Variants in COMMD3 observed in about 807,000 individuals in gnomAD.
COMMD3 encodes COMM domain containing 3.
COMMD3 carries 31 observed loss-of-function variants against 31.2 expected under a neutral mutation model. The ratio of observed to expected loss-of-function variants is 0.99; its 90% CI spans 0.75 to 1.34. The LOEUF (loss-of-function observed/expected upper bound fraction) is 1.34, where lower values mean the gene tolerates loss of function less well. Ranked by LOEUF, COMMD3 falls within the 40% of genes most tolerant of loss-of-function variation. The pLI, the probability that COMMD3 is intolerant of heterozygous loss-of-function variation, is 0.00. For missense variants in COMMD3, 274 were observed against 236.9 expected, an observed-to-expected ratio of 1.16 and a Z score of -1.03; for synonymous variants, 108 against 87.3, an observed-to-expected ratio of 1.24 and a Z score of -1.32.
rs766172701 is a variant in COMMD3 at position 22,316,552 on chromosome 10, G to T, written c.135G>T (p.Val45=). Reference sequence around the variant, plus strand: ...TGGACGCCCAGGCGGACGAGGCCGTGTTAGGTAAGCCGCTCGGCTCGGCTC... The same window carrying T: ...TGGACGCCCAGGCGGACGAGGCCGTTTTAGGTAAGCCGCTCGGCTCGGCTC... The part of the protein sequence containing the change: ...SLLDAQADEA[V]LDHPDLKHID... The change falls in exon 1 of 8, where the codon GTG becomes GTT. Residue 45 remains valine, a synonymous_variant. Transcript: ENST00000376836. 1.3e-6 allele frequency: 2 copies of T among 1,548,128 alleles called. No homozygotes were observed. Among genetic ancestry groups the T allele is most frequent in the Non-Finnish European group, 1.7e-6 (2 of 1,145,334 alleles).
At chr10:22,319,692 T>C (rs930884738) in intron 7 of COMMD3, 3 of 448,008 alleles carry the variant, frequency 6.7e-6, no homozygotes, top group African/African-American at 2.0e-5. Flanking sequence ...CAGATGTATC[T>C]GGGCGGTTAA....
chr10:22,319,863 T>G (rs561203548), intron 7 of COMMD3, 76 bp from the exon 8 acceptor site: 28 of 1,566,824 alleles, frequency 1.8e-5, no homozygotes, highest in Non-Finnish European at 2.4e-5. Context: ...ATTTTTTTTC[T>G]TGCATCTTTC....
Position 22,318,169 on chromosome 10 carries a change from GTTAC to G in COMMD3, c.315+8_315+11del, listed in dbSNP as rs529136003. 2.9e-4 allele frequency: 468 copies of G among 1,609,478 alleles called. 2 individuals are homozygous for G. The African/African-American group carries it at 5.6e-3, about 19-fold the overall frequency. On this transcript the variant is annotated splice_donor_variant and splice_donor_5th_base_variant and intron_variant, in intron 3 of 7. Coordinates refer to ENST00000376836, the MANE Select transcript of COMMD3 (RefSeq NM_012071.4). LOFTEE classifies it high-confidence loss of function. ...AGAACTGTTTTGCACGGAATATCAG[GTTAC>G]TTACTTTAAAATTTTTAATTAACAG...
At chr10:22,317,861 C>T in intron 1 of COMMD3, 23 bp from the exon 2 acceptor site, 1 of 1,608,732 alleles carries the variant, frequency 6.2e-7, no homozygotes, top group Non-Finnish European at 8.5e-7. Context: ...TCATAGGCAT[C>T]ACTGGAAGTT....
rs992434160 is a variant in COMMD3, at chr10:22,316,440, A to T, written c.23A>T (p.Gln8Leu). The change falls in exon 1 of 8, where the codon CAG (glutamine) becomes CTG (leucine). Residue 8 changes from glutamine to leucine, a missense_variant. Physicochemically the swap from Gln to Leu is moderately radical, Grantham distance 113. Transcript: ENST00000376836. ...ACAATGGAGCTCTCGGAGTCTGTGC[A>T]GAAAGGCTTCCAGATGCTGGCGGAT... MELSESV[Q>L]KGFQMLADPR... is the part of the protein sequence containing the mutation. The T allele has an allele frequency of 6.4e-7, 1 of 1,551,182 alleles. No homozygotes were observed. The highest frequency in any genetic ancestry group is 8.7e-7 in the Non-Finnish European group (1 of 1,146,946).
In COMMD3 at chr10:22,319,082, C is replaced by T. The variant is rs780140754; in HGVS notation, c.528+64C>T. 171 of 1,492,552 alleles carry T rather than the reference C, an allele frequency of 1.1e-4. 1 individual carries two copies. The highest frequency in any genetic ancestry group is 1.4e-4 in the Admixed American group (6 of 43,448). 92.5% of individuals were successfully genotyped at this position (1,492,552 alleles called of 1,614,324 possible). On this transcript the variant is annotated intron_variant, in intron 7 of 7. Coordinates refer to ENST00000376836, the MANE Select transcript of COMMD3 (RefSeq NM_012071.4). ...TAAATGTTTACTTGAGAGTTATACT[C>T]TTGGGAAGTTCAAAAGAAAATTAAT...
Position 22,318,985 on chromosome 10 carries a change from G to A in COMMD3, c.495G>A (p.Glu165=). Residue 165 remains glutamate, a synonymous_variant, in exon 7 of 8, where the codon GAG becomes GAA. Coordinates refer to ENST00000376836, the MANE Select transcript of COMMD3 (RefSeq NM_012071.4). ...ACACTGATTCCCCATCCTATCCAGAGATTAGTTTTAGTTGCAGCATGGAAC... is the reference window on the plus strand; with the variant it reads ...ACACTGATTCCCCATCCTATCCAGAAATTAGTTTTAGTTGCAGCATGGAAC... ...VQNTDSPSYP[E]ISFSCSMEQL... The A allele has an allele frequency of 6.2e-7, 1 of 1,612,300 alleles. No homozygotes were observed. Among genetic ancestry groups the A allele is most frequent in the South Asian group, 1.1e-5 (1 of 90,870 alleles).
At chr10:22,317,838 A>G (rs1031826703) in intron 1 of COMMD3, 46 bp from the exon 2 acceptor site, 16 of 1,596,524 alleles carry the variant, frequency 1.0e-5, no homozygotes, top group Admixed American at 5.2e-5. Context: ...ACATGACTGT[A>G]AAGAATTTAT....
At chr10:22,316,705 G>C in intron 1 of COMMD3, 149 bp downstream of exon 1, 1 of 1,307,762 alleles carries the variant, frequency 7.6e-7, no homozygotes, top group Non-Finnish European at 9.9e-7. Context: ...TTGGGGACGT[G>C]GCTCTGCCAG....
chr10:22,319,113 C>T, intron 7 of COMMD3, 95 bp downstream of exon 7: 13 of 1,326,540 alleles, frequency 9.8e-6, no homozygotes, highest in South Asian at 1.6e-5. Flanking sequence ...TTAATCTAAC[C>T]ATTTGTCAGC....
At chr10:22,317,405 T>C (rs1048675236) in intron 1 of COMMD3, 5 of 152,428 alleles carry the variant, frequency 3.3e-5, no homozygotes, top group African/African-American at 1.2e-4. Flanking sequence ...CTGAAAGTAC[T>C]AATATAATTT....
intron 7 of COMMD3, 96 bp from the exon 8 acceptor site, chr10:22,319,843 G>C (rs1835927645): frequency 6.9e-7 from 1 of 1,453,618 alleles, no homozygotes; most frequent in Admixed American, 1.9e-5. Flanking sequence ...TGTTTGGAAG[G>C]TGTGTCCTGA....
In COMMD3 at chr10:22,319,034, C is replaced by A; in HGVS notation, c.528+16C>A. ...ACAATTACAGGTACAGTATTAGGAT[C>A]TATAAATATTCCTGTCTTTTTATAA... On this transcript the variant is annotated intron_variant, in intron 7 of 7. Coordinates refer to ENST00000376836, the MANE Select transcript of COMMD3 (RefSeq NM_012071.4). 6.3e-7 allele frequency: 1 copy of A among 1,576,256 alleles called. No homozygotes were observed. Among genetic ancestry groups the A allele is most frequent in the South Asian group, 1.2e-5 (1 of 84,718 alleles).
Position 22,318,118 on chromosome 10 carries a change from G to A in COMMD3, c.265G>A (p.Asp89Asn), listed in dbSNP as rs1054972885. The A allele has an allele frequency of 1.1e-5, 17 of 1,612,468 alleles. No homozygotes were observed. The highest frequency in any genetic ancestry group is 1.7e-5 in the Admixed American group (1 of 59,752). ...DKSTLSTYLE[D>N]CKFDRERIEL... is the part of the protein sequence containing the mutation. ...TCTTTCTTCTAGCACTTATCTAGAA[G>A]ACTGTAAATTTGACAGAGAGCGAAT... Residue 89 changes from aspartate to asparagine, a missense_variant, in exon 3 of 8, where the codon GAC becomes AAC. Physicochemically the swap from Asp to Asn is conservative, Grantham distance 23. Coordinates refer to ENST00000376836, the MANE Select transcript of COMMD3 (RefSeq NM_012071.4).
At position 22,320,173 on chromosome 10, in the gene COMMD3, G is replaced by A. The variant is rs1835940344; in HGVS notation, c.*175G>A. 5 of 1,489,754 alleles carry A rather than the reference G, an allele frequency of 3.4e-6. No homozygotes were observed. The highest frequency in any genetic ancestry group is 2.8e-5 in the African/African-American group (2 of 70,838). The allele number at this position is 1,489,754 out of a possible 1,614,324, so 92.3% of individuals were successfully genotyped here. A position where few individuals can be genotyped will look rare whatever the true frequency, so the allele number is the denominator to read the frequency against. ...TAAAAACGTGTGAAAGGGTTAAGAG[G>A]GAAAGATACTGCCCAAGTATTTGAA... is the stretch of plus-strand genomic sequence containing the variant. On this transcript the variant is annotated 3_prime_UTR_variant, in exon 8 of 8. Coordinates refer to ENST00000376836, the MANE Select transcript of COMMD3 (RefSeq NM_012071.4).
chr10:22,317,841 G>T (rs780323408), intron 1 of COMMD3, 43 bp from the exon 2 acceptor site: 1 of 1,599,846 alleles, frequency 6.3e-7, no homozygotes, highest in East Asian at 2.2e-5. Context: ...TGACTGTAAA[G>T]AATTTATTAT....
At chr10:22,319,656 C>A in intron 7 of COMMD3, 1 of 285,118 alleles carries the variant, frequency 3.5e-6, no homozygotes, top group East Asian at 8.6e-5. Context: ...TACAGCATAA[C>A]CTTTGTTAGA....
In COMMD3 at chr10:22,318,680, G is replaced by A. The variant is rs1835900450; in HGVS notation, c.378G>A (p.Thr126=). The change falls in exon 5 of 8, where the codon ACG becomes ACA. Residue 126 remains threonine, a synonymous_variant. Transcript: ENST00000376836. The part of the protein sequence containing the change: ...GSIGRSLPHI[T]DVSWRLEYQI... ...TAGGCAGATCTCTCCCTCATATAAC[G>A]GATGTTTCTTGGCGCTTGGAATATC... The A allele has an allele frequency of 2.5e-6, 4 of 1,613,312 alleles. No homozygotes were observed. The highest frequency in any genetic ancestry group is 1.1e-5 in the South Asian group (1 of 91,058).
rs1288305884 is a variant in COMMD3 at position 22,320,204 on chromosome 10, T to C, written c.*206T>C. On this transcript the variant is annotated 3_prime_UTR_variant, in exon 8 of 8. Transcript: ENST00000376836. ...ATACTGCCCAAGTATTTGAATCGTT[T>C]AGTAGTAACTGTCCATTTATCCTAT... 7 of 1,340,838 alleles carry C rather than the reference T, an allele frequency of 5.2e-6. No individual in the cohort carries two copies. In the Admixed American group the frequency reaches 1.1e-4, roughly 20 times the overall value. The allele number at this position is 1,340,838 out of a possible 1,614,324, so 83.1% of individuals were successfully genotyped here.
Sources: gnomAD v4.1 joint callset for allele counts on GRCh38, gnomAD v4.1.1 for gene constraint, MANE v1.5 for transcripts, NCBI Gene and HGNC (gene_info 2026-07-23, HGNC 2026-07-21) for gene names.